Variants in EPS15L1 observed in about 807,000 individuals in gnomAD.
EPS15L1 encodes epidermal growth factor receptor substrate 15-like 1.
A neutral mutation model predicts 117.1 loss-of-function variants in EPS15L1; 43 were observed. That is an observed-to-expected ratio of 0.37 (90% confidence interval 0.29 to 0.47). EPS15L1 has a LOEUF of 0.47. Among genes scored for constraint, EPS15L1 ranks in the 20% least tolerant of loss-of-function variants. EPS15L1 has a pLI of 0.99. For missense variants in EPS15L1, 981 were observed against 1,164.0 expected, an observed-to-expected ratio of 0.84 and a Z score of 2.29; for synonymous variants, 459 against 470.5, an observed-to-expected ratio of 0.98 and a Z score of 0.32.
At chr19:16,446,979 CTTAGAAAAACATA>C in intron 1 of EPS15L1, among the ~76,000 whole-genome samples, 1 of 152,318 alleles carries the variant, frequency 6.6e-6, no homozygotes, top group Non-Finnish European at 1.5e-5. Context: ...TGAGTTCCTA[CTTAGAAAAACATA>C]TGGATGCAAA....
At position 16,417,987 on chromosome 19, in the gene EPS15L1, C is replaced by G; in HGVS notation, c.1068G>C (p.Pro356=). Residue 356 remains proline (P), a synonymous_variant, in exon 11 of 24, where the codon CCG becomes CCC. Coordinates refer to ENST00000455140, the MANE Select transcript of EPS15L1 (RefSeq NM_001258374.3). ...CTCTCTCCGAAGGCGGGACCATGTC[C>G]GGCGAGAGGACTTGAGGAGGGTCGA... The part of the protein sequence containing the change: ...KGIDPPQVLS[P]DMVPPSERGT... The G allele has an allele frequency of 6.2e-7, 1 of 1,614,122 alleles. No individual in the cohort carries two copies. Among genetic ancestry groups the G allele is most frequent in the Non-Finnish European group, 8.5e-7 (1 of 1,180,014 alleles).
intron 4 of EPS15L1, 116 bp downstream of exon 4, chr19:16,440,746 C>A: frequency 1.2e-6 from 1 of 863,022 alleles, no homozygotes; most frequent in South Asian, 1.6e-5. Flanking sequence ...GTTTGACAGC[C>A]GTGCTCATGC....
intron 8 of EPS15L1, among the ~76,000 whole-genome samples, 156 bp downstream of exon 8, chr19:16,428,546 A>AGAAAAGAAAG (rs751857028): frequency 6.6e-4 from 87 of 132,198 alleles, no homozygotes; most frequent in Non-Finnish European, 1.3e-3. Flanking sequence ...GAAGAAAGAC[A>AGAAAAGAAAG]GAAAAGAAAG....
chr19:16,467,351 T>A (rs1318540402), intron 1 of EPS15L1, among the ~76,000 whole-genome samples: 2 of 151,934 alleles, frequency 1.3e-5, no homozygotes, highest in African/African-American at 4.8e-5. Flanking sequence ...GGTTTCACCA[T>A]GTTGGCCAGG....
At chr19:16,470,210 CG>C (rs2093336504) in intron 1 of EPS15L1, among the ~76,000 whole-genome samples, 1 of 151,190 alleles carries the variant, frequency 6.6e-6, no homozygotes, top group South Asian at 2.1e-4. Flanking sequence ...GGTGAAACCC[CG>C]TCTCCACTAA....
intron 1 of EPS15L1, among the ~76,000 whole-genome samples, chr19:16,454,771 A>G (rs1363047887): frequency 1.3e-5 from 2 of 152,202 alleles, no homozygotes; most frequent in African/African-American, 4.8e-5. Flanking sequence ...GACATGGACC[A>G]GGAAGGTCGT....
rs1166665320 is a variant in EPS15L1 at position 16,440,925 on chromosome 19, A to G, written c.166-16T>C. The G allele has an allele frequency of 1.9e-6, 3 of 1,614,048 alleles. No homozygotes were observed. In the East Asian group the frequency reaches 6.7e-5, roughly 36 times the overall value. ...AGTCCCATATCTGCGGAAACACAAA[A>G]ATGCTCATAAGCATGACTGCCGATC... On this transcript the variant is annotated splice_polypyrimidine_tract_variant and intron_variant, in intron 3 of 23. Coordinates refer to ENST00000455140, the MANE Select transcript of EPS15L1 (RefSeq NM_001258374.3).
intron 12 of EPS15L1, among the ~76,000 whole-genome samples, chr19:16,414,192 A>G (rs1055601958): frequency 1.3e-5 from 2 of 152,180 alleles, no homozygotes; most frequent in Non-Finnish European, 2.9e-5. Flanking sequence ...GAACAGGGGC[A>G]GTGTCCAGGA....
At chr19:16,372,310 G>A (rs1278809451) in intron 22 of EPS15L1, among the ~76,000 whole-genome samples, 1 of 152,164 alleles carries the variant, frequency 6.6e-6, no homozygotes, top group East Asian at 1.9e-4. Context: ...CACCCACACT[G>A]CATGCCAGCC....
In EPS15L1 at chr19:16,442,163, A is replaced by G. The variant is rs1568455677; in HGVS notation, c.75+15T>C. 1.9e-6 allele frequency: 3 copies of G among 1,609,664 alleles called. No homozygotes were observed. The highest frequency in any genetic ancestry group is 4.5e-5 in the East Asian group (2 of 44,878). On this transcript the variant is annotated intron_variant, in intron 2 of 23. Transcript: ENST00000455140. ...ATGCTCTAGTTCCATCTGAAGAGAC[A>G]TCAGCTAAACTTACCTGCTTGTAAT...
At chr19:16,418,405 T>C (rs1411276042) in intron 10 of EPS15L1, among the ~76,000 whole-genome samples, 1 of 152,234 alleles carries the variant, frequency 6.6e-6, no homozygotes, top group African/African-American at 2.4e-5. Context: ...CAGCTGCCTC[T>C]TCCTTTGGCT....
intron 1 of EPS15L1, among the ~76,000 whole-genome samples, chr19:16,465,415 G>A (rs2093295205): frequency 6.6e-6 from 1 of 152,168 alleles, no homozygotes; most frequent in Admixed American, 6.6e-5. Flanking sequence ...TGGGAGTGGT[G>A]GCTCACACCT....
intron 7 of EPS15L1, among the ~76,000 whole-genome samples, chr19:16,433,267 A>G (rs766476971): frequency 6.6e-6 from 1 of 151,964 alleles, no homozygotes; most frequent in African/African-American, 2.4e-5. Flanking sequence ...GTCTGGGATT[A>G]CAGGCGAACA....
intron 16 of EPS15L1, 69 bp downstream of exon 16, chr19:16,402,252 G>A: frequency 6.6e-7 from 1 of 1,521,172 alleles, no homozygotes; most frequent in Non-Finnish European, 8.8e-7. Context: ...AGATCTGGCG[G>A]GTGGGATGTT....
chr19:16,419,827 C>A (rs1268411902), intron 10 of EPS15L1, among the ~76,000 whole-genome samples: 1 of 152,244 alleles, frequency 6.6e-6, no homozygotes, highest in Non-Finnish European at 1.5e-5. Context: ...CCCCTGCGGG[C>A]CCCAGCCTGC....
chr19:16,401,808 T>C, intron 16 of EPS15L1: 2 of 986,010 alleles, frequency 2.0e-6, no homozygotes, highest in Non-Finnish European at 2.4e-6. Flanking sequence ...GAGAGGCCAA[T>C]TCTTACTTGA....
intron 1 of EPS15L1, among the ~76,000 whole-genome samples, chr19:16,446,903 G>A (rs751122999): frequency 2.0e-5 from 3 of 152,200 alleles, no homozygotes; most frequent in Non-Finnish European, 2.9e-5. Context: ...TAATGGCTAT[G>A]TTTTTCAATG....
At chr19:16,410,785 T>C (rs1244288513) in intron 13 of EPS15L1, among the ~76,000 whole-genome samples, 1 of 152,064 alleles carries the variant, frequency 6.6e-6, no homozygotes, top group Admixed American at 6.6e-5. Flanking sequence ...TGGTGGTGCA[T>C]GCCTGTAGTC....
chr19:16,448,566 G>A (rs760766729), intron 1 of EPS15L1, among the ~76,000 whole-genome samples: 19 of 142,956 alleles, frequency 1.3e-4, no homozygotes, highest in Non-Finnish European at 2.7e-4. Context: ...GAGAAAGGCC[G>A]GGCGCGGTGG....
Sources: allele counts gnomAD v4.1 joint callset (sites outside exome capture counted in the v4.1 genomes callset), GRCh38; gene constraint gnomAD v4.1.1; transcripts MANE v1.5; gene names NCBI Gene and HGNC (gene_info 2026-07-23, HGNC 2026-07-21).